The following ADAMTS17 variants were observed in gnomAD, a reference collection of about 807,000 sequenced individuals.
ADAMTS17 encodes A disintegrin and metalloproteinase with thrombospondin motifs 17.
ADAMTS17 carries 113 observed loss-of-function variants against 141.5 expected under a neutral mutation model. The ratio of observed to expected loss-of-function variants is 0.80; its 90% CI spans 0.69 to 0.93. The LOEUF (loss-of-function observed/expected upper bound fraction) is 0.93, where lower values mean the gene tolerates loss of function less well. ADAMTS17 is among the 40% of genes least tolerant of loss of function. The pLI is 0.00. For synonymous variants in ADAMTS17, 768 were observed against 630.6 expected (o/e 1.22, Z -3.27); for missense variants, 1,659 against 1,517.9 (o/e 1.09, Z -1.54).
At chr15:100,018,243 C>G (rs1243436524) in intron 18 of ADAMTS17, among the ~76,000 whole-genome samples, 1 of 152,202 alleles carries the variant, frequency 6.6e-6, no homozygotes, top group African/African-American at 2.4e-5. Context: ...TGTCAGCATT[C>G]TTTTCTTTTG....
intron 15 of ADAMTS17, among the ~76,000 whole-genome samples, chr15:100,084,819 C>G (rs1163076749): frequency 6.6e-6 from 1 of 152,186 alleles, no homozygotes; most frequent in East Asian, 1.9e-4. Flanking sequence ...ACAGAAAGGA[C>G]ATCCACACCA....
intron 18 of ADAMTS17, among the ~76,000 whole-genome samples, chr15:100,017,699 C>T (rs1216707488): frequency 6.6e-6 from 1 of 152,224 alleles, no homozygotes; most frequent in East Asian, 1.9e-4. Flanking sequence ...AGTTTGGGCA[C>T]TCACAGTATT....
intron 6 of ADAMTS17, among the ~76,000 whole-genome samples, chr15:100,261,209 G>A (rs1024303957): frequency 6.6e-6 from 1 of 152,160 alleles, no homozygotes; most frequent in Non-Finnish European, 1.5e-5. Flanking sequence ...TAGGAAGAGG[G>A]AAGTCTGGAC....
At chr15:100,109,687 C>T (rs1410228012) in intron 13 of ADAMTS17, among the ~76,000 whole-genome samples, 1 of 152,102 alleles carries the variant, frequency 6.6e-6, no homozygotes, top group Non-Finnish European at 1.5e-5. Flanking sequence ...GCTAGGACAA[C>T]TTATAAGAGC....
intron 3 of ADAMTS17, 110 bp downstream of exon 3, chr15:100,330,779 T>C (rs2046027022): frequency 7.2e-7 from 1 of 1,398,326 alleles, no homozygotes. Flanking sequence ...GCTTTTGAAA[T>C]ATAGGGGAAG....
At chr15:100,036,332 G>T (rs922965462) in intron 18 of ADAMTS17, among the ~76,000 whole-genome samples, 6 of 152,230 alleles carry the variant, frequency 3.9e-5, no homozygotes, top group African/African-American at 1.2e-4. Context: ...CTGCGTAATG[G>T]GAAAGGACAG....
At chr15:100,154,919 G>A (rs2039357955) in intron 9 of ADAMTS17, among the ~76,000 whole-genome samples, 1 of 152,222 alleles carries the variant, frequency 6.6e-6, no homozygotes, top group Non-Finnish European at 1.5e-5. Context: ...TTCTTTTCAA[G>A]ACAGGGTGAC....
intron 6 of ADAMTS17, among the ~76,000 whole-genome samples, chr15:100,259,522 G>A (rs1045307061): frequency 2.0e-5 from 3 of 152,200 alleles, no homozygotes; most frequent in Non-Finnish European, 4.4e-5. Context: ...AAAAGCATGG[G>A]CCAGGTCATG....
chr15:100,221,111 A>G (rs1278318129), intron 7 of ADAMTS17, among the ~76,000 whole-genome samples: 1 of 152,160 alleles, frequency 6.6e-6, no homozygotes, highest in Non-Finnish European at 1.5e-5. Flanking sequence ...TTCCAATTTA[A>G]TACCACCAGT....
At chr15:100,103,169 A>T (rs974398136) in intron 14 of ADAMTS17, among the ~76,000 whole-genome samples, 2 of 152,158 alleles carry the variant, frequency 1.3e-5, no homozygotes, top group Admixed American at 6.5e-5. Flanking sequence ...ATGGGAGGTT[A>T]ATCAGAAAAA....
intron 8 of ADAMTS17, among the ~76,000 whole-genome samples, chr15:100,181,380 G>A (rs1166689459): frequency 1.3e-5 from 2 of 152,164 alleles, no homozygotes; most frequent in African/African-American, 4.8e-5. Flanking sequence ...CAAGCAGAAG[G>A]AGTCTCTTAC....
chr15:100,288,167 T>G (rs2044509223), intron 3 of ADAMTS17, among the ~76,000 whole-genome samples: 1 of 152,154 alleles, frequency 6.6e-6, no homozygotes, highest in South Asian at 2.1e-4. Flanking sequence ...TGGAGAAACA[T>G]CTACCAAGTA....
chr15:100,152,051 G>T (rs1161761130), intron 10 of ADAMTS17, among the ~76,000 whole-genome samples: 4 of 152,176 alleles, frequency 2.6e-5, no homozygotes, highest in Admixed American at 2.6e-4. Context: ...GACTAATTGG[G>T]ATCACACATG....
In ADAMTS17 at chr15:100,253,194, G is replaced by A. The variant is rs115835355; in HGVS notation, c.1075+942C>T. Among the ~76,000 whole-genome samples the A allele has an allele frequency of 4.2e-3, 631 of 151,382 alleles. 4 individuals carry two copies. The highest frequency in any genetic ancestry group is 0.015 in the African/African-American group (599 of 41,166). On this transcript the variant is annotated intron_variant, in intron 7 of 21. Coordinates refer to ENST00000268070, the MANE Select transcript of ADAMTS17 (RefSeq NM_139057.4). ...CCCGATGAACAAAGGTTCGCGTTAT[G>A]GCAGGGAAAACTGGAAACACCCTTG...
chr15:100,039,284 G>A (rs2031036115), intron 18 of ADAMTS17, among the ~76,000 whole-genome samples: 1 of 151,954 alleles, frequency 6.6e-6, no homozygotes, highest in African/African-American at 2.4e-5. Flanking sequence ...CATTCTGCTT[G>A]CTTTAGGTTC....
intron 8 of ADAMTS17, among the ~76,000 whole-genome samples, chr15:100,175,848 C>A (rs1420966256): frequency 1.3e-5 from 2 of 152,094 alleles, no homozygotes; most frequent in African/African-American, 2.4e-5. Flanking sequence ...CTCTCTTCCA[C>A]ACCCTCCAGT....
At chr15:100,279,357 G>C (rs1225363963) in intron 4 of ADAMTS17, among the ~76,000 whole-genome samples, 8 of 152,174 alleles carry the variant, frequency 5.3e-5, no homozygotes, top group Non-Finnish European at 1.0e-4. Context: ...GCCAGCCCAG[G>C]CTCTGCACCT....
In ADAMTS17 at chr15:100,341,398, C is replaced by T. The variant is rs1168399553; in HGVS notation, c.91G>A (p.Ala31Thr). The T allele has an allele frequency of 8.9e-6, 9 of 1,016,602 alleles. No homozygotes were observed. The highest frequency in any genetic ancestry group is 1.7e-5 in the African/African-American group (1 of 57,458). The allele number at this position is 1,016,602 out of a possible 1,614,324, so 63.0% of individuals were successfully genotyped here. The change falls in exon 2 of 22, where the codon GCG becomes ACG. Residue 31 changes from alanine (A) to threonine (T), a missense_variant. Ala to Thr is a moderately conservative substitution (Grantham distance 58, BLOSUM62 0). Coordinates refer to ENST00000268070, the MANE Select transcript of ADAMTS17 (RefSeq NM_139057.4). ...GLDPGTAVGD[A>T]AADVEVVLPW... The stretch of plus-strand genomic sequence containing the variant: ...AGCACCACCTCCACGTCGGCCGCCG[C>T]GTCGCCGACAGCTGCGGGGAGAGAG...
At chr15:100,170,496 C>T (rs566043300) in intron 8 of ADAMTS17, among the ~76,000 whole-genome samples, 1 of 152,316 alleles carries the variant, frequency 6.6e-6, no homozygotes, top group African/African-American at 2.4e-5. Flanking sequence ...TTTGCATAAT[C>T]CAGCCACAGA....
Sources: gnomAD v4.1 joint callset for allele counts (sites outside exome capture counted in the v4.1 genomes callset) on GRCh38, gnomAD v4.1.1 for gene constraint, MANE v1.5 for transcripts, NCBI Gene and HGNC (gene_info 2026-07-23, HGNC 2026-07-21) for gene names.